The following GAB1 variants were observed in gnomAD, a reference collection of about 807,000 sequenced individuals.
The protein encoded by GAB1 is GRB2-associated-binding protein 1.
GAB1 carries 19 observed loss-of-function variants against 66.5 expected under a neutral mutation model. The observed-to-expected ratio is 0.29, with a 90% CI of 0.20 to 0.42. The LOEUF (loss-of-function observed/expected upper bound fraction) is 0.42, where lower values mean the gene tolerates loss of function less well. GAB1 is among the 10% of genes least tolerant of loss of function. The pLI, the probability that GAB1 is intolerant of heterozygous loss-of-function variation, is 1.00. For synonymous variants in GAB1, 294 were observed against 301.4 expected (o/e 0.98, Z 0.25); for missense variants, 732 against 858.5 (o/e 0.85, Z 1.84).
At chr4:143,383,506 A>T (rs1730744121) in intron 1 of GAB1, among the ~76,000 whole-genome samples, 2 of 152,216 alleles carry the variant, frequency 1.3e-5, no homozygotes, top group African/African-American at 4.8e-5. Flanking sequence ...GTGTAAGAAA[A>T]GAAAAATTAC....
At chr4:143,440,048 G>C in intron 5 of GAB1, 31 bp from the exon 6 acceptor site, 1 of 1,576,664 alleles carries the variant, frequency 6.3e-7, no homozygotes, top group Non-Finnish European at 8.6e-7. Context: ...AAGAGTTTTT[G>C]TTTATTAAAA....
chr4:143,454,634 G>T (rs1735086421), intron 6 of GAB1, among the ~76,000 whole-genome samples: 1 of 152,200 alleles, frequency 6.6e-6, no homozygotes, highest in Non-Finnish European at 1.5e-5. Flanking sequence ...TCTTAGGGTT[G>T]CAGCAGGTTG....
intron 1 of GAB1, 94 bp downstream of exon 1, chr4:143,337,354 C>A: frequency 9.2e-7 from 1 of 1,089,628 alleles, no homozygotes; most frequent in Non-Finnish European, 1.4e-6. Flanking sequence ...GCGCGCGGGG[C>A]TGGTTCTTAA....
intron 1 of GAB1, among the ~76,000 whole-genome samples, chr4:143,370,416 C>T (rs1216570332): frequency 1.3e-5 from 2 of 152,172 alleles, no homozygotes; most frequent in Non-Finnish European, 2.9e-5. Flanking sequence ...AGGATTGTTG[C>T]AGTCCTTGAC....
chr4:143,346,552 A>G (rs534357103), intron 1 of GAB1, among the ~76,000 whole-genome samples: 15 of 152,294 alleles, frequency 9.8e-5, no homozygotes, highest in Non-Finnish European at 2.2e-4. Flanking sequence ...TGTAAGAGAG[A>G]TACTAGGTAA....
At chr4:143,416,101 A>G (rs1306102893) in intron 2 of GAB1, among the ~76,000 whole-genome samples, 2 of 152,158 alleles carry the variant, frequency 1.3e-5, no homozygotes, top group African/African-American at 4.8e-5. Context: ...ACTATTTTTC[A>G]CCTATTAAAA....
chr4:143,337,274 C>T lies in GAB1; in HGVS notation c.72+14C>T, dbSNP rs368281444. 106 of 1,567,360 alleles carry T rather than the reference C, an allele frequency of 6.8e-5. No individual in the cohort carries two copies. The highest frequency in any genetic ancestry group is 8.1e-5 in the Non-Finnish European group (93 of 1,154,784). The stretch of plus-strand genomic sequence containing the variant: ...TTGAAGCGTTATGTAAGTAGAGCTG[C>T]GGGCACCACTCCGCGGGCCTCGGCG... On this transcript the variant is annotated intron_variant, in intron 1 of 9. Transcript: ENST00000262994.
chr4:143,388,783 T>C (rs1026851396), intron 1 of GAB1, among the ~76,000 whole-genome samples: 2 of 152,168 alleles, frequency 1.3e-5, no homozygotes, highest in African/African-American at 4.8e-5. Context: ...TTTTAGGTAG[T>C]TTTTAGCAGA....
chr4:143,374,015 T>A (rs1310445461), intron 1 of GAB1, among the ~76,000 whole-genome samples: 2 of 151,674 alleles, frequency 1.3e-5, no homozygotes, highest in African/African-American at 4.9e-5. Flanking sequence ...TACAGTGGGT[T>A]TTTTGTCAGA....
rs1733784139 is a variant in GAB1 at position 143,433,520 on chromosome 4, C to A, written c.397C>A (p.Gln133Lys). Residue 133 changes from glutamine (Q) to lysine (K), a missense_variant, in exon 3 of 10, where the codon CAA becomes AAA. Gln to Lys is a moderately conservative substitution (Grantham distance 53). Coordinates refer to ENST00000262994, the MANE Select transcript of GAB1 (RefSeq NM_002039.4). ...DPVKPPGSSL[Q>K]APADLPLAIN... ...TGTGAAGCCACCTGGCAGCTCTTTA[C>A]AAGCACCAGCTGATTTACCTTTAGC... The A allele has an allele frequency of 6.2e-7, 1 of 1,613,942 alleles. No individual in the cohort carries two copies. The highest frequency in any genetic ancestry group is 8.5e-7 in the Non-Finnish European group (1 of 1,179,846).
intron 8 of GAB1, 55 bp from the exon 9 acceptor site, chr4:143,466,048 G>T: frequency 1.3e-6 from 2 of 1,597,926 alleles, no homozygotes; most frequent in South Asian, 2.2e-5. Context: ...TCAACAGTAC[G>T]AGTGGTATGT....
Position 143,471,237 on chromosome 4 carries a change from C to T in GAB1, c.*2048C>T, listed in dbSNP as rs919574827. The T allele has an allele frequency of 3.9e-5, 6 of 152,118 alleles. No individual in the cohort carries two copies. The highest frequency in any genetic ancestry group is 8.8e-5 in the Non-Finnish European group (6 of 67,994). 9.4% of individuals were successfully genotyped at this position (152,118 alleles called of 1,614,324 possible). On this transcript the variant is annotated 3_prime_UTR_variant, in exon 10 of 10. Transcript: ENST00000262994. ...AGTCTAACTTATCATTAACTTTTTA[C>T]AAGTCACCATATTTGAAGATCTGTA... is the stretch of plus-strand genomic sequence containing the variant.
chr4:143,362,182 A>G (rs1560719057), intron 1 of GAB1, among the ~76,000 whole-genome samples: 1 of 152,194 alleles, frequency 6.6e-6, no homozygotes, highest in African/African-American at 2.4e-5. Context: ...AAGGATAGAA[A>G]AATAAGGACA....
At chr4:143,462,296 A>C (rs1476435750) in intron 8 of GAB1, among the ~76,000 whole-genome samples, 2 of 152,110 alleles carry the variant, frequency 1.3e-5, no homozygotes, top group Non-Finnish European at 2.9e-5. Context: ...TAAAACTCTA[A>C]ATCCTAAATT....
At position 143,349,270 on chromosome 4, in the gene GAB1, A is replaced by G. The variant is rs925792872; in HGVS notation, c.72+12010A>G. 38 of 1,018,196 alleles carry G rather than the reference A, an allele frequency of 3.7e-5. No individual in the cohort carries two copies. The African/African-American group carries it at 5.8e-4, about 16-fold the overall frequency. 63.1% of individuals were successfully genotyped at this position (1,018,196 alleles called of 1,614,324 possible). A position where few individuals can be genotyped will look rare whatever the true frequency, so the allele number is the denominator to read the frequency against. ...AATTCACTTTATTTTTCTTGTATAAAAACCCTACGTTGTAGCCACAGCTGG... is the reference window on the plus strand; with the variant it reads ...AATTCACTTTATTTTTCTTGTATAAGAACCCTACGTTGTAGCCACAGCTGG... On this transcript the variant is annotated intron_variant, in intron 1 of 9. Coordinates refer to ENST00000262994, the MANE Select transcript of GAB1 (RefSeq NM_002039.4).
intron 6 of GAB1, chr4:143,457,901 A>T (rs1026611094): frequency 1.7e-5 from 10 of 587,258 alleles, no homozygotes; most frequent in Non-Finnish European, 2.6e-5. Context: ...CCTGCACATT[A>T]TTTCTAAAGT....
At position 143,468,914 on chromosome 4, in the gene GAB1, ACTC is replaced by A. The variant is rs551786731; in HGVS notation, c.1927-114_1927-112del. On this transcript the variant is annotated intron_variant, in intron 9 of 9. Coordinates refer to ENST00000262994, the MANE Select transcript of GAB1 (RefSeq NM_002039.4). ...CTCCATCCTGGGCAACAAGAGCAAA[ACTC>A]CTTCTCAAAAAAAAAAAGTATTCAC... 6.3e-4 allele frequency: 681 copies of A among 1,077,370 alleles called. 5 individuals are homozygous for A. In the Middle Eastern group the frequency reaches 8.3e-3, roughly 13 times the overall value. 66.7% of individuals were successfully genotyped at this position (1,077,370 alleles called of 1,614,324 possible).
chr4:143,468,466 G>A (rs1213705034), intron 9 of GAB1, among the ~76,000 whole-genome samples: 1 of 151,224 alleles, frequency 6.6e-6, no homozygotes, highest in African/African-American at 2.4e-5. Context: ...ACCCATCTTG[G>A]CTTCCCAAAG....
chr4:143,337,644 T>C (rs1728704611), intron 1 of GAB1, among the ~76,000 whole-genome samples: 1 of 152,138 alleles, frequency 6.6e-6, no homozygotes, highest in Non-Finnish European at 1.5e-5. Flanking sequence ...GGCTGATGTG[T>C]GCTAAAGCTC....
Sources: gnomAD v4.1 joint callset for allele counts (sites outside exome capture counted in the v4.1 genomes callset) on GRCh38, gnomAD v4.1.1 for gene constraint, MANE v1.5 for transcripts, NCBI Gene and HGNC (gene_info 2026-07-23, HGNC 2026-07-21) for gene names.